SHOC2: variants seen among roughly 807,000 people sequenced by gnomAD.
The protein encoded by SHOC2 is leucine-rich repeat protein SHOC-2.
A neutral mutation model predicts 50.2 loss-of-function variants in SHOC2; 4 were observed. The ratio of observed to expected loss-of-function variants is 0.08; its 90% CI spans 0.04 to 0.18. The LOEUF (loss-of-function observed/expected upper bound fraction) is 0.18. Ranked by LOEUF, SHOC2 falls within the 10% of genes least tolerant of loss-of-function variation. SHOC2 has a pLI of 1.00. For missense variants in SHOC2, 388 were observed against 669.6 expected, an observed-to-expected ratio of 0.58 and a Z score of 4.64; for synonymous variants, 218 against 244.5, an observed-to-expected ratio of 0.89 and a Z score of 1.01.
intron 1 of SHOC2, among the ~76,000 whole-genome samples, chr10:110,921,464 T>A: frequency 6.6e-6 from 1 of 152,208 alleles, no homozygotes; most frequent in Non-Finnish European, 1.5e-5. Flanking sequence ...TAAAACAATA[T>A]TGAAATCCCA....
intron 1 of SHOC2, among the ~76,000 whole-genome samples, chr10:110,929,031 A>G (rs760475224): frequency 1.6e-4 from 24 of 152,240 alleles, no homozygotes; most frequent in Non-Finnish European, 3.1e-4. Flanking sequence ...TGTGTATTAT[A>G]TAAATACCAT....
Position 110,993,465 on chromosome 10 carries a change from G to T in SHOC2, c.842-6950G>T, listed in dbSNP as rs78369859. 6.4e-3 allele frequency among the ~76,000 whole-genome samples: 967 copies of T among 152,238 alleles called. 14 individuals carry two copies. Among genetic ancestry groups the T allele is most frequent in the African/African-American group, 0.022 (902 of 41,534 alleles). The stretch of plus-strand genomic sequence containing the variant: ...TGGATGACTCTTTGAATTTGCCAGT[G>T]GTCTCAAGTGATAGGGCCTTTGCAA... On this transcript the variant is annotated intron_variant, in intron 3 of 8. Transcript: ENST00000369452.
At chr10:110,973,691 G>A (rs970487211) in intron 2 of SHOC2, among the ~76,000 whole-genome samples, 4 of 151,902 alleles carry the variant, frequency 2.6e-5, no homozygotes, top group Non-Finnish European at 1.5e-5. Flanking sequence ...TGTGTGTATG[G>A]ACAAGTTTTG....
At chr10:110,937,142 C>A (rs769344904) in intron 1 of SHOC2, 2 of 1,504,494 alleles carry the variant, frequency 1.3e-6, no homozygotes, top group Admixed American at 3.4e-5. Flanking sequence ...CACCACCTTC[C>A]GGCCCAGCAG....
intron 1 of SHOC2, among the ~76,000 whole-genome samples, chr10:110,926,284 A>G (rs1846771338): frequency 6.6e-6 from 1 of 152,216 alleles, no homozygotes; most frequent in South Asian, 2.1e-4. Flanking sequence ...CCAGTATACA[A>G]TGTCTAGACT....
chr10:110,920,323 T>C (rs909245881), intron 1 of SHOC2, among the ~76,000 whole-genome samples: 6 of 152,256 alleles, frequency 3.9e-5, no homozygotes, highest in African/African-American at 1.4e-4. Flanking sequence ...CTCCCCGTGA[T>C]AGCACAGCTT....
chr10:110,994,291 A>G (rs922532071), intron 3 of SHOC2, among the ~76,000 whole-genome samples: 1 of 152,228 alleles, frequency 6.6e-6, no homozygotes, highest in Non-Finnish European at 1.5e-5. Flanking sequence ...CAAGGGATAA[A>G]ATGTTGATAC....
intron 1 of SHOC2, among the ~76,000 whole-genome samples, chr10:110,954,807 A>C (rs1047966489): frequency 6.6e-6 from 1 of 152,174 alleles, no homozygotes; most frequent in Non-Finnish European, 1.5e-5. Flanking sequence ...AGCCATGTGA[A>C]GACTGAGGAA....
intron 2 of SHOC2, among the ~76,000 whole-genome samples, chr10:110,984,845 A>T (rs1848048115): frequency 6.6e-6 from 1 of 152,168 alleles, no homozygotes; most frequent in Non-Finnish European, 1.5e-5. Flanking sequence ...ACATCAGAAC[A>T]CATGCATATT....
At chr10:110,983,271 A>T (rs928210664) in intron 2 of SHOC2, among the ~76,000 whole-genome samples, 1 of 152,016 alleles carries the variant, frequency 6.6e-6, no homozygotes, top group African/African-American at 2.4e-5. Flanking sequence ...TTTTTCCACC[A>T]AAAAACTATC....
intron 3 of SHOC2, among the ~76,000 whole-genome samples, chr10:110,997,362 T>C (rs1320855268): frequency 1.3e-5 from 2 of 152,226 alleles, no homozygotes; most frequent in South Asian, 2.1e-4. Flanking sequence ...TTTTAAAATA[T>C]AGAAAATTAG....
intron 2 of SHOC2, among the ~76,000 whole-genome samples, chr10:110,965,916 T>A (rs1255844490): frequency 6.6e-6 from 1 of 152,130 alleles, no homozygotes; most frequent in Non-Finnish European, 1.5e-5. Context: ...GGGCCCTTTT[T>A]ATAAGATTTG....
chr10:110,921,968 C>CT (rs879927479), intron 1 of SHOC2, among the ~76,000 whole-genome samples: 3,908 of 148,236 alleles, frequency 0.026, 71 homozygotes, highest in Non-Finnish European at 0.039. Context: ...GCAGCTAGAT[C>CT]TTTTTTTTTT....
chr10:110,971,366 T>C (rs1590809278), intron 2 of SHOC2, among the ~76,000 whole-genome samples: 2 of 152,090 alleles, frequency 1.3e-5, no homozygotes, highest in African/African-American at 4.8e-5. Flanking sequence ...TGGCTGTAAA[T>C]ATGTGGATTT....
intron 4 of SHOC2, among the ~76,000 whole-genome samples, chr10:111,001,604 A>G (rs1006967088): frequency 2.0e-5 from 3 of 152,228 alleles, no homozygotes; most frequent in Admixed American, 2.0e-4. Context: ...TAACAAAAGA[A>G]TTGGGGACTT....
chr10:110,938,652 C>T (rs1388766716), intron 1 of SHOC2, among the ~76,000 whole-genome samples: 1 of 151,996 alleles, frequency 6.6e-6, no homozygotes, highest in Non-Finnish European at 1.5e-5. Flanking sequence ...TTGCGAAGAA[C>T]GTATAGAACA....
chr10:110,960,896 C>T (rs1288474521), intron 1 of SHOC2, among the ~76,000 whole-genome samples: 2 of 152,056 alleles, frequency 1.3e-5, no homozygotes, highest in Non-Finnish European at 2.9e-5. Context: ...AGGCTGGTCT[C>T]GAACTCCTGA....
chr10:110,989,245 G>A (rs564538532), intron 3 of SHOC2, among the ~76,000 whole-genome samples: 10 of 152,286 alleles, frequency 6.6e-5, no homozygotes, highest in African/African-American at 9.6e-5. Flanking sequence ...ACTTTCTGCC[G>A]TTTCTGGAGG....
chr10:110,977,457 C>G (rs904210844), intron 2 of SHOC2, among the ~76,000 whole-genome samples: 77 of 152,202 alleles, frequency 5.1e-4, no homozygotes, highest in African/African-American at 1.9e-3. Flanking sequence ...GTTGGTCAGG[C>G]TGGTCTCAAA....
Sources: allele counts gnomAD v4.1 joint callset (sites outside exome capture counted in the v4.1 genomes callset), GRCh38; gene constraint gnomAD v4.1.1; transcripts MANE v1.5; gene names NCBI Gene and HGNC (gene_info 2026-07-23, HGNC 2026-07-21).